SDF4: variants seen among roughly 807,000 people sequenced by gnomAD.
SDF4 encodes stromal cell derived factor 4, also known as 45 kDa calcium-binding protein.
In SDF4, 22 loss-of-function variants were observed where a neutral mutation model predicts 34.2. That is an observed-to-expected ratio of 0.64 (90% CI 0.46 to 0.92). The LOEUF is 0.92. Among genes scored for constraint, SDF4 ranks in the 40% least tolerant of loss-of-function variants. The probability of loss-of-function intolerance (pLI) is 0.00; values close to 1 mark genes in which losing one functional copy is unlikely to be tolerated. For synonymous variants in SDF4, 236 were observed against 203.1 expected (o/e 1.16, Z -1.38); for missense variants, 447 against 499.9 (o/e 0.89, Z 1.01).
At chr1:1,229,583 C>T (rs2100988086) in intron 1 of SDF4, among the ~76,000 whole-genome samples, 1 of 152,304 alleles carries the variant, frequency 6.6e-6, no homozygotes, top group African/African-American at 2.4e-5. Context: ...CTGTCAGCAC[C>T]TCCAGGGGCT....
At chr1:1,231,296 C>T (rs1413838802) in intron 1 of SDF4, among the ~76,000 whole-genome samples, 1 of 152,236 alleles carries the variant, frequency 6.6e-6, no homozygotes, top group Non-Finnish European at 1.5e-5. Flanking sequence ...AATCAACACA[C>T]CCTTGCAAAA....
chr1:1,224,131 G>T (rs1650151370), intron 2 of SDF4, among the ~76,000 whole-genome samples, 163 bp from the exon 3 acceptor site: 2 of 152,144 alleles, frequency 1.3e-5, no homozygotes, highest in Admixed American at 1.3e-4. Flanking sequence ...CGTGGGGCTT[G>T]TGGGGTGCCG....
chr1:1,228,100 C>T (rs1308430674), intron 2 of SDF4, among the ~76,000 whole-genome samples: 1 of 152,256 alleles, frequency 6.6e-6, no homozygotes, highest in Non-Finnish European at 1.5e-5. Context: ...AGCCAGGCCT[C>T]GTCCAACTGG....
chr1:1,218,523 T>C lies in SDF4; in HGVS notation c.826A>G (p.Lys276Glu). 1 of 1,614,020 alleles carries C rather than the reference T, an allele frequency of 6.2e-7. No individual in the cohort carries two copies. The highest frequency in any genetic ancestry group is 8.5e-7 in the Non-Finnish European group (1 of 1,179,944). Residue 276 changes from lysine to glutamate, a missense_variant, in exon 6 of 7, where the codon AAA (lysine) becomes GAA (glutamate). Lys to Glu is a moderately conservative substitution (Grantham distance 56, BLOSUM62 1). Transcript: ENST00000360001. The surrounding 1 kb of genome is among the most constrained non-coding windows in gnomAD (Gnocchi z 7.9). Reference protein sequence around the residue: ...DIDDNWVKDRKKEFEELIDSN... With the variant: ...DIDDNWVKDREKEFEELIDSN... ...TCAATGAGCTCCTCAAACTCCTTTT[T>C]TCTGTCTTTCACCCAGTTGTCGTCA...
At chr1:1,219,146 C>T (rs914744266) in intron 4 of SDF4, 26 of 1,450,192 alleles carry the variant, frequency 1.8e-5, no homozygotes, top group Non-Finnish European at 2.2e-5. Context: ...CAGGCCTGAT[C>T]CCCAAAGGCA....
chr1:1,225,271 C>G (rs928127579), intron 2 of SDF4, among the ~76,000 whole-genome samples: 3 of 152,346 alleles, frequency 2.0e-5, no homozygotes, highest in African/African-American at 7.2e-5. Context: ...GAGACCCCGG[C>G]TGGTGCGTTT....
At chr1:1,228,420 C>A (rs746586556) in intron 2 of SDF4, 48 bp downstream of exon 2, 5 of 1,528,974 alleles carry the variant, frequency 3.3e-6, no homozygotes, top group Admixed American at 1.9e-5. Flanking sequence ...AACACACAGG[C>A]GAGCGCACGC....
intron 2 of SDF4, among the ~76,000 whole-genome samples, chr1:1,224,282 T>C (rs1638225746): frequency 1.5e-5 from 2 of 129,512 alleles, no homozygotes; most frequent in Non-Finnish European, 3.6e-5. Context: ...ACTCTTCACG[T>C]TTTATTTTAT....
rs749438271 is a variant in SDF4 at position 1,223,308 on chromosome 1, G to A, written c.492C>T (p.Gly164=). 30 of 1,613,928 alleles carry A rather than the reference G, an allele frequency of 1.9e-5. No individual in the cohort carries two copies. The highest frequency in any genetic ancestry group is 1.8e-4 in the Admixed American group (11 of 60,006). ...CGTCGGCAACCTCCTTCTCGCTATG[G>A]CCTTTACTCGCCAAAAACTTCACCT... The part of the protein sequence containing the change: ...EYKVKFLASK[G]HSEKEVADAI... The change falls in exon 4 of 7, where the codon GGC becomes GGT. Residue 164 remains glycine, a synonymous_variant. Coordinates refer to ENST00000360001, the MANE Select transcript of SDF4 (RefSeq NM_016176.6).
At chr1:1,230,381 G>T (rs1239679757) in intron 1 of SDF4, among the ~76,000 whole-genome samples, 1 of 152,172 alleles carries the variant, frequency 6.6e-6, no homozygotes, top group African/African-American at 2.4e-5. Flanking sequence ...CCTGAAGTCA[G>T]TGCAGTCTGC....
At chr1:1,228,260 G>C (rs1638373759) in intron 2 of SDF4, among the ~76,000 whole-genome samples, 1 of 152,252 alleles carries the variant, frequency 6.6e-6, no homozygotes, top group South Asian at 2.1e-4. Flanking sequence ...GGCGGACCCA[G>C]GGCATTCAAG....
chr1:1,223,784 C>CAG, intron 3 of SDF4, 48 bp downstream of exon 3: 1 of 623,146 alleles, frequency 1.6e-6, no homozygotes, highest in East Asian at 2.8e-5. Flanking sequence ...GCCCATGGCC[C>CAG]TGCCCGCCCC....
intron 2 of SDF4, among the ~76,000 whole-genome samples, chr1:1,228,140 C>T (rs1422894225): frequency 6.6e-6 from 1 of 152,218 alleles, no homozygotes; most frequent in African/African-American, 2.4e-5. Context: ...TGCCCGTGGC[C>T]GGCGTCTGCC....
chr1:1,226,191 G>A (rs770339161), intron 2 of SDF4, among the ~76,000 whole-genome samples: 8 of 152,200 alleles, frequency 5.3e-5, no homozygotes, highest in South Asian at 2.1e-4. Flanking sequence ...GCACGGAGGC[G>A]AGCCCAGAGC....
rs751188676 is a variant in SDF4 at position 1,217,471 on chromosome 1, C to A, written c.*41G>T. On this transcript the variant is annotated 3_prime_UTR_variant, in exon 7 of 7. Transcript: ENST00000360001. This position sits in a 1 kb window ranked among gnomAD's most constrained non-coding sequence, Gnocchi z 8.5. ...GCCCGGAGTCACCCGCGAGGCCGCC[C>A]CGGTGGTGCGTGGGGGGCGGCGCGG... The A allele has an allele frequency of 1.4e-6, 2 of 1,430,322 alleles. No homozygotes were observed. Among genetic ancestry groups the A allele is most frequent in the South Asian group, 1.5e-5 (1 of 67,714 alleles). 88.6% of individuals were successfully genotyped at this position (1,430,322 alleles called of 1,614,324 possible).
chr1:1,220,639 A>C, intron 4 of SDF4: 1 of 1,289,242 alleles, frequency 7.8e-7, no homozygotes, highest in Non-Finnish European at 1.0e-6. Flanking sequence ...CAAAACGCAG[A>C]GTGAATTCTA....
At position 1,217,434 on chromosome 1, in the gene SDF4, G is replaced by T; in HGVS notation, c.*78C>A. 1.6e-6 allele frequency: 2 copies of T among 1,257,636 alleles called. No homozygotes were observed. Among genetic ancestry groups the T allele is most frequent in the Non-Finnish European group, 1.0e-6 (1 of 977,652 alleles). The allele number at this position is 1,257,636 out of a possible 1,614,324, so 77.9% of individuals were successfully genotyped here. On this transcript the variant is annotated 3_prime_UTR_variant, in exon 7 of 7. Coordinates refer to ENST00000360001, the MANE Select transcript of SDF4 (RefSeq NM_016176.6). The surrounding 1 kb of genome is among the most constrained non-coding windows in gnomAD (Gnocchi z 8.5). ...GCGGCAGGGAAGAGGTGGGGTCCGG[G>T]ACAGCCACGGAGCCCGGAGTCACCC...
At chr1:1,230,224 C>G (rs1244625487) in intron 1 of SDF4, among the ~76,000 whole-genome samples, 1 of 152,240 alleles carries the variant, frequency 6.6e-6, no homozygotes, top group Non-Finnish European at 1.5e-5. Context: ...TGTTCTGTGG[C>G]CGTCTTATTC....
At chr1:1,223,079 G>A (rs1304785968) in intron 4 of SDF4, 165 bp downstream of exon 4, 7 of 617,976 alleles carry the variant, frequency 1.1e-5, no homozygotes, top group East Asian at 1.1e-4. Flanking sequence ...GTACTCACGA[G>A]CACGCGCACA....
Sources: allele counts gnomAD v4.1 joint callset (sites outside exome capture counted in the v4.1 genomes callset), GRCh38; gene constraint gnomAD v4.1.1; non-coding constraint Gnocchi (gnomAD v3.1); transcripts MANE v1.5; gene names NCBI Gene and HGNC (gene_info 2026-07-23, HGNC 2026-07-21).